The following MAN1C1 variants were observed in gnomAD, a reference collection of about 807,000 sequenced individuals.
MAN1C1 encodes mannosidase alpha class 1C member 1, also known as mannosyl-oligosaccharide 1,2-alpha-mannosidase IC.
Under a neutral mutation model 71.5 loss-of-function variants are expected in MAN1C1, and 49 were observed. The observed-to-expected ratio is 0.69, with a 90% confidence interval of 0.54 to 0.87. The LOEUF (loss-of-function observed/expected upper bound fraction) is 0.87. Ranked by LOEUF, MAN1C1 falls within the 40% of genes least tolerant of loss-of-function variation. MAN1C1 has a pLI of 0.00. For missense variants in MAN1C1, 743 were observed against 835.0 expected, an observed-to-expected ratio of 0.89 and a Z score of 1.36; for synonymous variants, 352 against 343.7, an observed-to-expected ratio of 1.02 and a Z score of -0.27.
At chr1:25,772,981 T>C (rs1178727710) in intron 8 of MAN1C1, among the ~76,000 whole-genome samples, 2 of 152,240 alleles carry the variant, frequency 1.3e-5, no homozygotes, top group South Asian at 2.1e-4. Flanking sequence ...CAAATGCCAC[T>C]GAAACTACCA....
In MAN1C1 at chr1:25,617,968, G is replaced by C. The variant is rs1362810466; in HGVS notation, c.171G>C (p.Arg57=). 1 of 1,608,254 alleles carries C rather than the reference G, an allele frequency of 6.2e-7. No individual in the cohort carries two copies. Among genetic ancestry groups the C allele is most frequent in the Non-Finnish European group, 8.5e-7 (1 of 1,178,018 alleles). The change falls in exon 1 of 12, where the codon CGG becomes CGC. Residue 57 remains arginine (R), a synonymous_variant. Coordinates refer to ENST00000374332, the MANE Select transcript of MAN1C1 (RefSeq NM_020379.4). The surrounding 1 kb of genome is among the most constrained non-coding windows in gnomAD (Gnocchi z 5.1). ...TCAAGCGCCTCTTCCTGGCCCCCCG[G>C]ACCCAGCAGCCTGGTCTGGAAGTGG... The part of the protein sequence containing the change: ...SRLKRLFLAP[R]TQQPGLEVVA...
rs752067183 is a variant in MAN1C1 at position 25,783,644 on chromosome 1, T to G, written c.1767-19T>G. On this transcript the variant is annotated intron_variant, in intron 11 of 11. Transcript: ENST00000374332. ...ACTGACAGACTGTGTCTTGCTTCCC[T>G]GCCCTGCGTGGGGCACAGGTATCTC... The G allele has an allele frequency of 9.3e-6, 15 of 1,609,694 alleles. No homozygotes were observed. The highest frequency in any genetic ancestry group is 1.1e-5 in the Non-Finnish European group (13 of 1,179,404).
chr1:25,633,214 A>G (rs750667405), intron 1 of MAN1C1, among the ~76,000 whole-genome samples: 1 of 152,190 alleles, frequency 6.6e-6, no homozygotes, highest in African/African-American at 2.4e-5. Context: ...GTGTCCTATC[A>G]TATGGTCTAT....
At chr1:25,726,045 G>T (rs1335736613) in intron 2 of MAN1C1, among the ~76,000 whole-genome samples, 1 of 152,254 alleles carries the variant, frequency 6.6e-6, no homozygotes, top group Non-Finnish European at 1.5e-5. Flanking sequence ...CTTGGCCTTG[G>T]CCTCTATGAT....
At chr1:25,744,617 C>T (rs1024768201) in intron 2 of MAN1C1, among the ~76,000 whole-genome samples, 2 of 152,186 alleles carry the variant, frequency 1.3e-5, no homozygotes, top group Non-Finnish European at 2.9e-5. Context: ...TCATCTTCCT[C>T]CTAACTTCTC....
At chr1:25,640,212 T>G (rs2045518197) in intron 1 of MAN1C1, among the ~76,000 whole-genome samples, 3 of 152,186 alleles carry the variant, frequency 2.0e-5, no homozygotes. Context: ...AATATCATAT[T>G]TTATTGCAAA....
At chr1:25,675,591 G>GGGA (rs367653525) in intron 1 of MAN1C1, among the ~76,000 whole-genome samples, 3 of 143,604 alleles carry the variant, frequency 2.1e-5, no homozygotes, top group African/African-American at 7.7e-5. Flanking sequence ...TTGCGGGGGG[G>GGGA]GGGGGAGGTG....
chr1:25,695,217 A>C (rs184584277), intron 2 of MAN1C1, among the ~76,000 whole-genome samples: 17 of 152,312 alleles, frequency 1.1e-4, no homozygotes, highest in African/African-American at 3.4e-4. Flanking sequence ...AAAAGCTGTC[A>C]TCAGCTTTGT....
Position 25,617,951 on chromosome 1 carries a change from C to G in MAN1C1, c.154C>G (p.Leu52Val). The G allele has an allele frequency of 6.2e-7, 1 of 1,608,756 alleles. No individual in the cohort carries two copies. The highest frequency in any genetic ancestry group is 8.5e-7 in the Non-Finnish European group (1 of 1,178,194). ...GCCCCACTCCTCTCGCCTCAAGCGC[C>G]TCTTCCTGGCCCCCCGGACCCAGCA... ...LLPHSSRLKRLFLAPRTQQPG... is the reference protein window; with the variant it reads ...LLPHSSRLKRVFLAPRTQQPG... The change falls in exon 1 of 12, where the codon CTC (leucine) becomes GTC (valine). Residue 52 changes from leucine (L) to valine (V), a missense_variant. Transcript: ENST00000374332. The surrounding 1 kb of genome is among the most constrained non-coding windows in gnomAD (Gnocchi z 5.1).
chr1:25,639,579 T>A (rs1487451057), intron 1 of MAN1C1, among the ~76,000 whole-genome samples: 1 of 152,210 alleles, frequency 6.6e-6, no homozygotes, highest in Non-Finnish European at 1.5e-5. Context: ...CTTTGTTATT[T>A]TCTAACCTGC....
At chr1:25,705,060 A>C (rs1207222949) in intron 2 of MAN1C1, among the ~76,000 whole-genome samples, 1 of 152,220 alleles carries the variant, frequency 6.6e-6, no homozygotes. Context: ...GAAGTATCTG[A>C]GTGTGAAAAT....
intron 2 of MAN1C1, among the ~76,000 whole-genome samples, chr1:25,703,986 T>C (rs1035704386): frequency 4.6e-5 from 7 of 152,276 alleles, no homozygotes; most frequent in African/African-American, 1.7e-4. Flanking sequence ...CAGTTCCTGG[T>C]TGCCCAAGCC....
chr1:25,780,077 G>T (rs549901042), intron 9 of MAN1C1, among the ~76,000 whole-genome samples: 1 of 152,294 alleles, frequency 6.6e-6, no homozygotes, highest in East Asian at 1.9e-4. Context: ...GCCACAACTC[G>T]CTGTGTTACC....
chr1:25,737,303 C>T (rs2046995457), intron 2 of MAN1C1, among the ~76,000 whole-genome samples: 1 of 152,252 alleles, frequency 6.6e-6, no homozygotes, highest in African/African-American at 2.4e-5. Flanking sequence ...TAATCATTCT[C>T]CAGCCAGCTG....
At position 25,753,697 on chromosome 1, in the gene MAN1C1, G is replaced by T; in HGVS notation, c.929+119G>T. On this transcript the variant is annotated intron_variant, in intron 5 of 11. Transcript: ENST00000374332. The surrounding 1 kb of genome is among the most constrained non-coding windows in gnomAD (Gnocchi z 4.9). ...GGCAGTAGGCAGGCAAGCAGGAGGG[G>T]GGACCCTTGGGACCACCTCTGTTGA... 1.4e-6 allele frequency: 1 copy of T among 732,700 alleles called. No individual in the cohort carries two copies. The highest frequency in any genetic ancestry group is 2.3e-6 in the Non-Finnish European group (1 of 442,826). The allele number at this position is 732,700 out of a possible 1,614,324, so 45.4% of individuals were successfully genotyped here.
intron 1 of MAN1C1, among the ~76,000 whole-genome samples, chr1:25,676,233 G>A (rs1434357950): frequency 6.6e-6 from 1 of 152,138 alleles, no homozygotes; most frequent in African/African-American, 2.4e-5. Context: ...ACCTCAGGTG[G>A]GTGGGAGTTG....
chr1:25,760,262 G>C (rs1422916301), intron 6 of MAN1C1: 1 of 152,200 alleles, frequency 6.6e-6, no homozygotes, highest in African/African-American at 2.4e-5. Flanking sequence ...TTACAGAGGA[G>C]GAAACTAAGA....
chr1:25,740,911 G>A (rs2047054374), intron 2 of MAN1C1, among the ~76,000 whole-genome samples: 2 of 152,040 alleles, frequency 1.3e-5, no homozygotes, highest in South Asian at 4.2e-4. Context: ...GTGAGATGTG[G>A]GCAGTGTCTG....
Position 25,763,826 on chromosome 1 carries a change from G to A in MAN1C1, c.1048-48G>A, listed in dbSNP as rs372571976. On this transcript the variant is annotated intron_variant, in intron 6 of 11. Transcript: ENST00000374332. ...CATCCTCAGCAGGCTGGGTGCAGTC[G>A]GCTTCTTCGGAAGCATGAAGGCTCA... is the stretch of plus-strand genomic sequence containing the variant. 5.1e-5 allele frequency: 77 copies of A among 1,499,034 alleles called. 1 individual carries two copies. In the African/African-American group the frequency reaches 8.4e-4, roughly 16 times the overall value. 92.9% of individuals were successfully genotyped at this position (1,499,034 alleles called of 1,614,324 possible).
Sources: allele counts gnomAD v4.1 joint callset (sites outside exome capture counted in the v4.1 genomes callset), GRCh38; gene constraint gnomAD v4.1.1; non-coding constraint Gnocchi (gnomAD v3.1); transcripts MANE v1.5; gene names NCBI Gene and HGNC (gene_info 2026-07-23, HGNC 2026-07-21).